ATP11A: variants seen among roughly 807,000 people sequenced by gnomAD.
ATP11A encodes ATPase phospholipid transporting 11A.
In ATP11A, 81 loss-of-function variants were observed where a neutral mutation model predicts 154.4. The observed-to-expected ratio is 0.52, with a 90% CI of 0.44 to 0.63. ATP11A has a LOEUF of 0.63. Among genes scored for constraint, ATP11A ranks in the 30% least tolerant of loss-of-function variants. The pLI, the probability that ATP11A is intolerant of heterozygous loss-of-function variation, is 0.00. For synonymous variants in ATP11A, 623 were observed against 585.9 expected (o/e 1.06, Z -0.91); for missense variants, 1,316 against 1,474.3 (o/e 0.89, Z 1.76).
Position 112,746,132 on chromosome 13 carries a change from G to C in ATP11A, c.40-39003G>C, listed in dbSNP as rs1163790104. 3.3e-5 allele frequency: 5 copies of C among 152,172 alleles called. No homozygotes were observed. The highest frequency in any genetic ancestry group is 9.7e-5 in the African/African-American group (4 of 41,350). 9.4% of individuals were successfully genotyped at this position (152,172 alleles called of 1,614,324 possible). A position where few individuals can be genotyped will look rare whatever the true frequency, so the allele number is the denominator to read the frequency against. On this transcript the variant is annotated intron_variant, in intron 1 of 29. Transcript: ENST00000375645. The surrounding 1 kb of genome is among the most constrained non-coding windows in gnomAD (Gnocchi z 4.1). The stretch of plus-strand genomic sequence containing the variant: ...GCCGTAGGCCGCTGTGAATGCTGGC[G>C]GCGGTGATCGTGTGCTGACGTCTCC...
At chr13:112,823,447 A>C in intron 9 of ATP11A, 38 bp downstream of exon 9, 1 of 1,516,058 alleles carries the variant, frequency 6.6e-7, no homozygotes, top group South Asian at 1.1e-5. Flanking sequence ...TGCCCCTAAC[A>C]TTAAGGATGC....
In ATP11A at chr13:112,775,117, C is replaced by T. The variant is rs144021967; in HGVS notation, c.40-10018C>T. 5.5e-3 allele frequency among the ~76,000 whole-genome samples: 841 copies of T among 152,352 alleles called. 7 individuals are homozygous for T. Among genetic ancestry groups the T allele is most frequent in the African/African-American group, 0.018 (758 of 41,574 alleles). ...TTGCACTGGCTTAGAGAGCTAACAG[C>T]GTTTGGTGGGACTCAGTTTATCGTT... is the stretch of plus-strand genomic sequence containing the variant. On this transcript the variant is annotated intron_variant, in intron 1 of 29. Transcript: ENST00000375645.
chr13:112,858,998 C>T (rs369861274), intron 22 of ATP11A: 41 of 274,962 alleles, frequency 1.5e-4, no homozygotes, highest in African/African-American at 7.6e-4. Context: ...TGCCGTGCCG[C>T]GGGAGGAGAC....
intron 18 of ATP11A, among the ~76,000 whole-genome samples, chr13:112,853,344 T>C (rs539296956): frequency 6.6e-6 from 1 of 152,298 alleles, no homozygotes; most frequent in East Asian, 1.9e-4. Flanking sequence ...AGGCTTTTTT[T>C]TCATCTATAG....
Position 112,696,667 on chromosome 13 carries a change from C to A in ATP11A, c.39+6212C>A, listed in dbSNP as rs890889812. On this transcript the variant is annotated intron_variant, in intron 1 of 29. Transcript: ENST00000375645. This position sits in a 1 kb window ranked among gnomAD's most constrained non-coding sequence, Gnocchi z 6.2. ...CCCGTCCTTCCTTCTCCTGTCTCTTCTGTGCCTACCGCGGGGGGTTCCCTT... is the reference window on the plus strand; with the variant it reads ...CCCGTCCTTCCTTCTCCTGTCTCTTATGTGCCTACCGCGGGGGGTTCCCTT... 1.3e-5 allele frequency among the ~76,000 whole-genome samples: 2 copies of A among 152,122 alleles called. No homozygotes were observed. The highest frequency in any genetic ancestry group is 1.3e-4 in the Admixed American group (2 of 15,278).
At chr13:112,813,123 G>A (rs372502559) in intron 5 of ATP11A, among the ~76,000 whole-genome samples, 4 of 152,326 alleles carry the variant, frequency 2.6e-5, no homozygotes, top group East Asian at 3.9e-4. Flanking sequence ...TTCCTACAAC[G>A]GCAGACATCC....
intron 1 of ATP11A, among the ~76,000 whole-genome samples, chr13:112,774,217 T>G (rs1258347252): frequency 6.6e-6 from 1 of 152,234 alleles, no homozygotes; most frequent in Non-Finnish European, 1.5e-5. Flanking sequence ...TTTACTTGGG[T>G]CTGGTGCCAG....
At chr13:112,741,251 G>T (rs1166358695) in intron 1 of ATP11A, among the ~76,000 whole-genome samples, 1 of 151,990 alleles carries the variant, frequency 6.6e-6, no homozygotes, top group East Asian at 1.9e-4. Context: ...GCCACACTGG[G>T]GGTGGAGAAG....
intron 1 of ATP11A, among the ~76,000 whole-genome samples, chr13:112,720,656 C>T (rs1889049657): frequency 6.6e-6 from 1 of 152,096 alleles, no homozygotes; most frequent in Non-Finnish European, 1.5e-5. Flanking sequence ...CTCCTAGGTT[C>T]AAGCGATTCT....
chr13:112,826,040 T>C (rs904026427), intron 11 of ATP11A, among the ~76,000 whole-genome samples: 1 of 151,886 alleles, frequency 6.6e-6, no homozygotes, highest in African/African-American at 2.4e-5. Flanking sequence ...AGCAGGGCCA[T>C]GAACAAACCC....
chr13:112,803,891 C>T (rs186477878), intron 2 of ATP11A, among the ~76,000 whole-genome samples: 21 of 95,410 alleles, frequency 2.2e-4, no homozygotes, highest in African/African-American at 7.7e-4. Flanking sequence ...TCCCTCATTC[C>T]CCTCCTTCCC....
chr13:112,847,306 C>T (rs9577858), intron 17 of ATP11A, among the ~76,000 whole-genome samples: 45,765 of 152,168 alleles, frequency 0.3, 7,121 homozygotes, highest in East Asian at 0.37. Flanking sequence ...GCTGTGCTTG[C>T]TGTCATATCG....
rs1311417985 is a variant in ATP11A, at chr13:112,883,949, C to T, written c.*2083C>T. ...ATTTTTTTAGAAATCTTAAAATTGCCTTTGCACTGAAGTATTTTCATAGCT... is the reference window on the plus strand; with the variant it reads ...ATTTTTTTAGAAATCTTAAAATTGCTTTTGCACTGAAGTATTTTCATAGCT... On this transcript the variant is annotated 3_prime_UTR_variant, in exon 30 of 30. Coordinates refer to ENST00000375645, the MANE Select transcript of ATP11A (RefSeq NM_015205.3). 6.6e-6 allele frequency: 1 copy of T among 152,574 alleles called. No homozygotes were observed. The highest frequency in any genetic ancestry group is 1.5e-5 in the Non-Finnish European group (1 of 68,036). 9.5% of individuals were successfully genotyped at this position (152,574 alleles called of 1,614,324 possible). A position where few individuals can be genotyped will look rare whatever the true frequency, so the allele number is the denominator to read the frequency against.
At chr13:112,841,276 GC>G (rs1037330134) in intron 16 of ATP11A, among the ~76,000 whole-genome samples, 2 of 148,256 alleles carry the variant, frequency 1.3e-5, no homozygotes, top group Non-Finnish European at 3.0e-5. Context: ...GGGAGCACCT[GC>G]GCCCAGGCAC....
intron 1 of ATP11A, among the ~76,000 whole-genome samples, chr13:112,748,662 G>A (rs1424970107): frequency 6.6e-6 from 1 of 152,148 alleles, no homozygotes; most frequent in Admixed American, 6.5e-5. Flanking sequence ...CACCACGCCC[G>A]GCCTGAATGC....
At position 112,860,316 on chromosome 13, in the gene ATP11A, C is replaced by G; in HGVS notation, c.2757C>G (p.Leu919=). The G allele has an allele frequency of 1.2e-6, 2 of 1,614,188 alleles. No individual in the cohort carries two copies. The highest frequency in any genetic ancestry group is 1.7e-6 in the Non-Finnish European group (2 of 1,180,016). ...TGTACGACACCGCGTATCTGACCCT[C>G]TACAACATCAGCTTCACCTCCCTCC... ...QTLYDTAYLT[L]YNISFTSLPI... The change falls in exon 24 of 30, where the codon CTC becomes CTG. Residue 919 remains leucine (L), a synonymous_variant. Coordinates refer to ENST00000375645, the MANE Select transcript of ATP11A (RefSeq NM_015205.3).
At chr13:112,856,170 G>A in intron 20 of ATP11A, 85 bp downstream of exon 20, 1 of 1,354,270 alleles carries the variant, frequency 7.4e-7, no homozygotes, top group Non-Finnish European at 1.0e-6. Flanking sequence ...GCCTCAGATT[G>A]TTAAACAATC....
At chr13:112,776,357 C>G (rs1030444475) in intron 1 of ATP11A, among the ~76,000 whole-genome samples, 2 of 152,194 alleles carry the variant, frequency 1.3e-5, no homozygotes, top group Non-Finnish European at 2.9e-5. Flanking sequence ...CGTCCTCTCC[C>G]TTGCCCTGTT....
intron 24 of ATP11A, 121 bp downstream of exon 24, chr13:112,860,535 C>G: frequency 1.7e-6 from 2 of 1,175,266 alleles, no homozygotes; most frequent in Non-Finnish European, 1.2e-6. Context: ...TCGGCATCTG[C>G]TGATATTCTT....
Sources: allele counts gnomAD v4.1 joint callset (sites outside exome capture counted in the v4.1 genomes callset), GRCh38; gene constraint gnomAD v4.1.1; non-coding constraint Gnocchi (gnomAD v3.1); transcripts MANE v1.5; gene names NCBI Gene and HGNC (gene_info 2026-07-23, HGNC 2026-07-21).